The following COL21A1 variants were observed in gnomAD, a reference collection of about 807,000 sequenced individuals.
The protein encoded by COL21A1 is collagen alpha-1(XXI) chain.
In COL21A1, 149 loss-of-function variants were observed where a neutral mutation model predicts 137.9. The observed-to-expected ratio is 1.08, with a 90% confidence interval of 0.95 to 1.24. COL21A1 has a LOEUF of 1.24. Among genes scored for constraint, COL21A1 ranks in the 50% most tolerant of loss-of-function variants. COL21A1 has a pLI of 0.00. For synonymous variants in COL21A1, 456 were observed against 391.5 expected, an observed-to-expected ratio of 1.16 and a Z score of -1.95; for missense variants, 1,167 against 1,158.4, an observed-to-expected ratio of 1.01 and a Z score of -0.11.
chr6:56,191,228 T>C (rs542316758), intron 1 of COL21A1, among the ~76,000 whole-genome samples: 15 of 152,236 alleles, frequency 9.9e-5, no homozygotes, highest in Non-Finnish European at 1.5e-5. Context: ...CCCAAAATCT[T>C]CTTAAGCTGG....
chr6:56,112,211 T>A (rs1771490364), intron 16 of COL21A1, among the ~76,000 whole-genome samples: 2 of 152,130 alleles, frequency 1.3e-5, no homozygotes, highest in Admixed American at 6.5e-5. Context: ...TAAATGGTGC[T>A]AGAATAACTG....
chr6:56,287,888 G>C (rs1288026358), intron 1 of COL21A1, among the ~76,000 whole-genome samples: 1 of 151,990 alleles, frequency 6.6e-6, no homozygotes, highest in Non-Finnish European at 1.5e-5. Flanking sequence ...GCCTATCATT[G>C]CTGCCTTTGA....
At chr6:56,224,904 C>T (rs1362715109) in intron 1 of COL21A1, among the ~76,000 whole-genome samples, 1 of 152,066 alleles carries the variant, frequency 6.6e-6, no homozygotes, top group East Asian at 1.9e-4. Context: ...TTCCCACCTA[C>T]CTCTCATCAT....
chr6:56,192,492 GA>G (rs140079125), intron 1 of COL21A1, among the ~76,000 whole-genome samples: 11 of 150,144 alleles, frequency 7.3e-5, no homozygotes, highest in Non-Finnish European at 1.6e-4. Context: ...AAATTTACAA[GA>G]AAAAAAAACA....
At chr6:56,316,270 G>T (rs1319405200) in intron 1 of COL21A1, among the ~76,000 whole-genome samples, 1 of 151,872 alleles carries the variant, frequency 6.6e-6, no homozygotes, top group Non-Finnish European at 1.5e-5. Flanking sequence ...GCAATATATT[G>T]TTTTTATTGT....
intron 1 of COL21A1, among the ~76,000 whole-genome samples, chr6:56,332,962 T>C (rs887315511): frequency 6.6e-6 from 1 of 152,082 alleles, no homozygotes; most frequent in Non-Finnish European, 1.5e-5. Flanking sequence ...CAACTTGTCA[T>C]TTTTCATTTA....
chr6:56,176,739 C>T (rs141525909), intron 3 of COL21A1, among the ~76,000 whole-genome samples: 3 of 150,674 alleles, frequency 2.0e-5, no homozygotes, highest in Non-Finnish European at 1.5e-5. Flanking sequence ...ATATGCTGTA[C>T]AACATTGTGC....
intron 24 of COL21A1, 124 bp downstream of exon 24, chr6:56,064,454 C>T (rs1766067112): frequency 4.7e-6 from 3 of 635,232 alleles, no homozygotes; most frequent in South Asian, 4.0e-5. Flanking sequence ...ACCTTATATG[C>T]TTAGAATGCA....
chr6:56,230,272 A>C (rs1216169219), intron 1 of COL21A1, among the ~76,000 whole-genome samples: 5 of 151,946 alleles, frequency 3.3e-5, no homozygotes, highest in Non-Finnish European at 5.9e-5. Flanking sequence ...TCTTGTATCA[A>C]TCTCAAAGAA....
intron 27 of COL21A1, 189 bp downstream of exon 27, chr6:56,060,551 TA>T: frequency 2.0e-6 from 1 of 496,736 alleles, no homozygotes; most frequent in Non-Finnish European, 3.5e-6. Context: ...ATGTCTTTAT[TA>T]AAAAGATTAT....
chr6:56,149,415 A>C (rs1384870461), intron 10 of COL21A1, among the ~76,000 whole-genome samples: 2 of 152,188 alleles, frequency 1.3e-5, no homozygotes, highest in African/African-American at 4.8e-5. Flanking sequence ...GCAAAGAATT[A>C]ATTCTCTTAA....
intron 1 of COL21A1, among the ~76,000 whole-genome samples, chr6:56,243,357 A>G (rs969597639): frequency 4.6e-5 from 7 of 152,210 alleles, no homozygotes; most frequent in Non-Finnish European, 8.8e-5. Flanking sequence ...AGTAGTATCA[A>G]CTGGGACCTT....
intron 1 of COL21A1, among the ~76,000 whole-genome samples, chr6:56,225,503 T>C (rs546206984): frequency 3.9e-5 from 6 of 152,116 alleles, no homozygotes; most frequent in Non-Finnish European, 5.9e-5. Flanking sequence ...GCAACAAAAA[T>C]GTACTTGACA....
At chr6:56,171,209 C>T in intron 3 of COL21A1, 81 bp from the exon 4 acceptor site, 2 of 867,032 alleles carry the variant, frequency 2.3e-6, no homozygotes, top group Non-Finnish European at 3.5e-6. Flanking sequence ...AAATACTAGA[C>T]AATATAGTAT....
intron 1 of COL21A1, among the ~76,000 whole-genome samples, chr6:56,190,859 T>A (rs1467826665): frequency 1.3e-5 from 2 of 152,136 alleles, no homozygotes; most frequent in African/African-American, 4.8e-5. Flanking sequence ...TCTCAATAGG[T>A]GCAGAAAAGG....
chr6:56,169,817 A>C (rs1561941356), intron 5 of COL21A1, among the ~76,000 whole-genome samples: 1 of 151,944 alleles, frequency 6.6e-6, no homozygotes, highest in Non-Finnish European at 1.5e-5. Context: ...TCCTATTGTA[A>C]ATACGCTCTT....
intron 1 of COL21A1, among the ~76,000 whole-genome samples, chr6:56,192,867 G>A (rs10456726): frequency 0.17 from 25,305 of 152,116 alleles, 2,178 homozygotes; most frequent in Middle Eastern, 0.22. Context: ...ATATGCACAC[G>A]TATGTTTATT....
intron 1 of COL21A1, among the ~76,000 whole-genome samples, chr6:56,267,551 A>C (rs2152331790): frequency 6.6e-6 from 1 of 152,148 alleles, no homozygotes; most frequent in South Asian, 2.1e-4. Context: ...GAGGTCAGAA[A>C]GTTCGAGACC....
intron 1 of COL21A1, among the ~76,000 whole-genome samples, chr6:56,236,065 G>A (rs182554319): frequency 5.3e-5 from 8 of 151,988 alleles, no homozygotes; most frequent in East Asian, 3.9e-4. Context: ...GAAAGAATAC[G>A]GCTACATCCT....
Sources: gnomAD v4.1 joint callset for allele counts (sites outside exome capture counted in the v4.1 genomes callset) on GRCh38, gnomAD v4.1.1 for gene constraint, MANE v1.5 for transcripts, NCBI Gene and HGNC (gene_info 2026-07-23, HGNC 2026-07-21) for gene names.